PSMA1: variants seen among roughly 807,000 people sequenced by gnomAD.
PSMA1 encodes the protein proteasome 20S subunit alpha 1.
Under a neutral mutation model 38.4 loss-of-function variants are expected in PSMA1, and 3 were observed. That is an observed-to-expected ratio of 0.08 (90% confidence interval 0.04 to 0.20). PSMA1 has a LOEUF of 0.20. Among genes scored for constraint, PSMA1 ranks in the 10% least tolerant of loss-of-function variants. The pLI, the probability that PSMA1 is intolerant of heterozygous loss-of-function variation, is 1.00. For missense variants in PSMA1, 227 were observed against 325.3 expected, an observed-to-expected ratio of 0.70 and a Z score of 2.32; for synonymous variants, 101 against 107.1, an observed-to-expected ratio of 0.94 and a Z score of 0.35.
intron 2 of PSMA1, among the ~76,000 whole-genome samples, chr11:14,578,719 G>A (rs921471400): frequency 6.6e-6 from 1 of 152,208 alleles, no homozygotes; most frequent in African/African-American, 2.4e-5. Context: ...TGCAGGAGAG[G>A]GCAGTGGTTA....
chr11:14,510,341 G>C (rs1177583380), intron 8 of PSMA1, among the ~76,000 whole-genome samples: 1 of 151,936 alleles, frequency 6.6e-6, no homozygotes, highest in Non-Finnish European at 1.5e-5. Context: ...TCATTTTCTT[G>C]GTGAGAATAT....
intron 2 of PSMA1, among the ~76,000 whole-genome samples, chr11:14,602,809 T>C (rs1434939531): frequency 6.6e-6 from 1 of 152,218 alleles, no homozygotes; most frequent in Non-Finnish European, 1.5e-5. Context: ...GGTGAGTGTT[T>C]CTCATGGATT....
intron 2 of PSMA1, among the ~76,000 whole-genome samples, chr11:14,532,300 A>AT (rs1242777132): frequency 1.3e-5 from 2 of 152,078 alleles, no homozygotes; most frequent in Admixed American, 6.6e-5. Flanking sequence ...TATAATATAC[A>AT]TTTTTTCTAA....
intron 2 of PSMA1, among the ~76,000 whole-genome samples, chr11:14,588,190 A>G (rs1369011114): frequency 6.6e-6 from 1 of 152,256 alleles, no homozygotes; most frequent in Non-Finnish European, 1.5e-5. Flanking sequence ...GAATATCAGG[A>G]AAAACTTCAG....
intron 1 of PSMA1, among the ~76,000 whole-genome samples, chr11:14,612,138 C>T (rs984704130): frequency 3.9e-5 from 6 of 152,170 alleles, no homozygotes; most frequent in African/African-American, 1.4e-4. Context: ...TGTAACAAAA[C>T]CTGACAACAG....
At chr11:14,563,029 A>G (rs903276529) in intron 2 of PSMA1, among the ~76,000 whole-genome samples, 2 of 152,190 alleles carry the variant, frequency 1.3e-5, no homozygotes, top group Admixed American at 1.3e-4. Flanking sequence ...ATGGCTATGC[A>G]TCCAGTCTGA....
At chr11:14,588,698 T>G (rs942951694) in intron 2 of PSMA1, among the ~76,000 whole-genome samples, 1 of 152,230 alleles carries the variant, frequency 6.6e-6, no homozygotes, top group Non-Finnish European at 1.5e-5. Context: ...ATCGCAATTA[T>G]AGCCAATTAT....
At chr11:14,555,048 CTATGAAACT>C (rs1299720607) in intron 2 of PSMA1, among the ~76,000 whole-genome samples, 2 of 152,216 alleles carry the variant, frequency 1.3e-5, no homozygotes, top group African/African-American at 4.8e-5. Flanking sequence ...AGAAACAGCT[CTATGAAACT>C]TATTGTTGCA....
chr11:14,626,082 A>G (rs1294041389), intron 1 of PSMA1, among the ~76,000 whole-genome samples: 1 of 150,420 alleles, frequency 6.6e-6, no homozygotes, highest in Admixed American at 6.6e-5. Flanking sequence ...GAAGTGCTGG[A>G]AAATAAAATG....
chr11:14,584,970 C>G (rs996027375), intron 2 of PSMA1, among the ~76,000 whole-genome samples: 2 of 152,206 alleles, frequency 1.3e-5, no homozygotes, highest in African/African-American at 2.4e-5. Context: ...TTATACACTA[C>G]AGTAACCCTC....
At chr11:14,513,510 T>G (rs1439472081) in intron 7 of PSMA1, 60 bp downstream of exon 7, 1 of 1,321,240 alleles carries the variant, frequency 7.6e-7, no homozygotes. Context: ...CTATGTTTAT[T>G]TACTATATAG....
At chr11:14,593,403 T>C (rs1358728877) in intron 2 of PSMA1, among the ~76,000 whole-genome samples, 1 of 152,196 alleles carries the variant, frequency 6.6e-6, no homozygotes, top group Non-Finnish European at 1.5e-5. Flanking sequence ...ATGGATATAC[T>C]TTTGAAAATG....
At chr11:14,569,153 C>T (rs1370606477) in intron 2 of PSMA1, among the ~76,000 whole-genome samples, 1 of 152,172 alleles carries the variant, frequency 6.6e-6, no homozygotes, top group Non-Finnish European at 1.5e-5. Flanking sequence ...TCTTTTCTAC[C>T]ACATTGTCAT....
rs555235848 is a variant in PSMA1 at position 14,604,401 on chromosome 11, T to C, written c.21+6565A>G. Reference sequence around the variant, plus strand: ...TGACTGTTATATTCTGTAGAATATATGTGACATCTCTATATTCAGGCCTTT... The same window carrying C: ...TGACTGTTATATTCTGTAGAATATACGTGACATCTCTATATTCAGGCCTTT... On this transcript the variant is annotated intron_variant, in intron 2 of 10. Coordinates refer to the PSMA1 transcript ENST00000418988. 2.6e-5 allele frequency among the ~76,000 whole-genome samples: 4 copies of C among 152,282 alleles called. No individual in the cohort carries two copies. The East Asian group carries it at 7.7e-4, about 29-fold the overall frequency.
intron 2 of PSMA1, among the ~76,000 whole-genome samples, chr11:14,542,762 T>C (rs1175660512): frequency 1.3e-5 from 2 of 152,242 alleles, no homozygotes; most frequent in East Asian, 1.9e-4. Flanking sequence ...TAAGGATATA[T>C]AGTTCCAATT....
upstream of PSMA1, chr11:14,643,636 G>T (rs1216024316): frequency 6.6e-6 from 1 of 150,874 alleles, no homozygotes; most frequent in Admixed American, 6.6e-5. Context: ...GGGCGGCCGC[G>T]GCGCGGGTGG....
intron 2 of PSMA1, among the ~76,000 whole-genome samples, chr11:14,586,432 A>G (rs1242805381): frequency 1.4e-5 from 2 of 143,180 alleles, no homozygotes; most frequent in African/African-American, 5.4e-5. Context: ...ACTCTGTCTC[A>G]AAAAAAAAAA....
intron 2 of PSMA1, among the ~76,000 whole-genome samples, chr11:14,575,242 A>T (rs1381439074): frequency 1.3e-5 from 2 of 152,140 alleles, no homozygotes; most frequent in Non-Finnish European, 2.9e-5. Flanking sequence ...TTCTTTTTTT[A>T]AATTTTAAAA....
chr11:14,643,157 A>G (rs1183593288), intron 1 of PSMA1, among the ~76,000 whole-genome samples: 2 of 151,094 alleles, frequency 1.3e-5, no homozygotes, highest in East Asian at 2.0e-4. Flanking sequence ...CCTCCCTAAG[A>G]GCCACTGCAA....
Sources: allele counts gnomAD v4.1 joint callset (sites outside exome capture counted in the v4.1 genomes callset), GRCh38; gene constraint gnomAD v4.1.1; transcripts MANE v1.5; gene names NCBI Gene and HGNC (gene_info 2026-07-23, HGNC 2026-07-21).